Variants in TPTE2 observed in about 807,000 individuals in gnomAD.
TPTE2 encodes transmembrane phosphoinositide 3-phosphatase and tensin homolog 2.
TPTE2 carries 53 observed loss-of-function variants against 78.6 expected under a neutral mutation model. The observed-to-expected ratio is 0.67, with a 90% confidence interval of 0.54 to 0.85. The LOEUF (loss-of-function observed/expected upper bound fraction) is 0.85. Ranked by LOEUF, TPTE2 falls within the 40% of genes least tolerant of loss-of-function variation. TPTE2 has a pLI of 0.00. For missense variants in TPTE2, 461 were observed against 623.0 expected (o/e 0.74, Z 2.77); for synonymous variants, 175 against 206.2 (o/e 0.85, Z 1.30).
chr13:19,436,970 TC>T, intron 14 of TPTE2, among the ~76,000 whole-genome samples: 2 of 151,990 alleles, frequency 1.3e-5, no homozygotes, highest in Middle Eastern at 3.4e-3. Context: ...GGGCTCTGGA[TC>T]AATGGCTGTC....
intron 17 of TPTE2, among the ~76,000 whole-genome samples, chr13:19,427,681 C>T (rs533699055): frequency 1.3e-5 from 2 of 152,290 alleles, no homozygotes; most frequent in African/African-American, 4.8e-5. Flanking sequence ...TCCCCCTGCT[C>T]ATCATGTTTT....
chr13:19,503,258 A>G (rs1868742922), exon 1 of TPTE2: 2 of 1,613,786 alleles, frequency 1.2e-6, no homozygotes, highest in Non-Finnish European at 1.7e-6. Flanking sequence ...TTCACTCCTG[A>G]TAATTCATTT....
intron 1 of TPTE2, among the ~76,000 whole-genome samples, chr13:19,512,627 G>A (rs139837007): frequency 0.025 from 3,741 of 150,748 alleles, 65 homozygotes; most frequent in Middle Eastern, 0.052. Flanking sequence ...TGTCCAGGCT[G>A]CAGTGCAGTG....
At chr13:19,480,419 A>G (rs891989698) in intron 4 of TPTE2, among the ~76,000 whole-genome samples, 1 of 152,250 alleles carries the variant, frequency 6.6e-6, no homozygotes, top group African/African-American at 2.4e-5. Context: ...ATTTAAATGA[A>G]GAAAATAAAT....
chr13:19,541,984 A>G, the TPTE2 span, among the ~76,000 whole-genome samples: 2 of 152,176 alleles, frequency 1.3e-5, no homozygotes, highest in Non-Finnish European at 2.9e-5. Flanking sequence ...AGATTTTAAA[A>G]TACCAATCAA....
At chr13:19,560,546 G>A in the TPTE2 span, 7 of 1,594,056 alleles carry the variant, frequency 4.4e-6, no homozygotes, top group Admixed American at 1.7e-5. Flanking sequence ...GAGAAGCCTG[G>A]GATGCTCTTG....
exon 9 of TPTE2, chr13:19,465,293 G>A (rs748366957): frequency 6.2e-7 from 1 of 1,613,838 alleles, no homozygotes; most frequent in Admixed American, 1.7e-5. Flanking sequence ...TCCATCCCTT[G>A]TGTATCGCCT....
chr13:19,495,521 G>C (rs1208747477), intron 1 of TPTE2, among the ~76,000 whole-genome samples: 1 of 152,136 alleles, frequency 6.6e-6, no homozygotes, highest in African/African-American at 2.4e-5. Flanking sequence ...AAAAACAAAA[G>C]AACATTGCAT....
chr13:19,538,282 GC>G (rs1871321954), upstream of TPTE2, among the ~76,000 whole-genome samples: 6 of 151,970 alleles, frequency 3.9e-5, no homozygotes, highest in African/African-American at 1.4e-4. Context: ...GTGCAGTGGC[GC>G]CAGCTCGGCT....
intron 1 of TPTE2, among the ~76,000 whole-genome samples, chr13:19,496,469 T>C (rs1401459461): frequency 6.6e-6 from 1 of 152,194 alleles, no homozygotes; most frequent in Non-Finnish European, 1.5e-5. Context: ...ATCACGTCTT[T>C]CCTTTCACCC....
At chr13:19,426,313 T>C (rs747175136) in intron 18 of TPTE2, 112 bp downstream of exon 21, 8 of 772,950 alleles carry the variant, frequency 1.0e-5, no homozygotes, top group Non-Finnish European at 1.9e-5. Flanking sequence ...ATCTGATTTA[T>C]TGTTTTCCTC....
chr13:19,542,835 A>G, the TPTE2 span, among the ~76,000 whole-genome samples: 1 of 152,050 alleles, frequency 6.6e-6, no homozygotes, highest in African/African-American at 2.4e-5. Context: ...CTCTACAAAT[A>G]AAAACATTAG....
chr13:19,556,880 T>C, the TPTE2 span, among the ~76,000 whole-genome samples: 1 of 150,994 alleles, frequency 6.6e-6, no homozygotes, highest in Non-Finnish European at 1.5e-5. Context: ...CCATTTGTAT[T>C]GAGTTTCTTC....
chr13:19,520,505 C>A (rs1870084067), intron 1 of TPTE2, among the ~76,000 whole-genome samples: 3 of 150,742 alleles, frequency 2.0e-5, no homozygotes, highest in Admixed American at 2.0e-4. Flanking sequence ...TCTTTTTTTT[C>A]TTGATCAGGC....
chr13:19,525,185 C>T (rs192647664), intron 1 of TPTE2, among the ~76,000 whole-genome samples: 6 of 152,206 alleles, frequency 3.9e-5, no homozygotes, highest in Admixed American at 3.9e-4. Flanking sequence ...ATTTGAGAAA[C>T]AGCAGAAAAA....
rs112360622 is a variant in TPTE2 at position 19,462,820 on chromosome 13, C to G, written c.741+1636G>C. ...TCAGCCTCCCAAAGTGCTGGGATTA[C>G]AGGTGTGAGCCACTGCACCTGACGA... On this transcript the variant is annotated intron_variant, in intron 10 of 19. Transcript: ENST00000400230. 1.2e-3 allele frequency among the ~76,000 whole-genome samples: 186 copies of G among 152,050 alleles called. 4 individuals are homozygous for G. Among genetic ancestry groups the G allele is most frequent in the African/African-American group, 4.3e-3 (179 of 41,490 alleles).
chr13:19,557,754 C>G, the TPTE2 span, among the ~76,000 whole-genome samples: 1 of 152,052 alleles, frequency 6.6e-6, no homozygotes, highest in Non-Finnish European at 1.5e-5. Flanking sequence ...AACTATTATA[C>G]CATCAGAACA....
At chr13:19,546,860 A>C in the TPTE2 span, among the ~76,000 whole-genome samples, 2 of 152,052 alleles carry the variant, frequency 1.3e-5, no homozygotes, top group Non-Finnish European at 2.9e-5. Context: ...GTAAGATAAT[A>C]GTTAAGGAAT....
the TPTE2 span, among the ~76,000 whole-genome samples, chr13:19,543,140 C>T: frequency 6.6e-6 from 1 of 151,894 alleles, no homozygotes; most frequent in Non-Finnish European, 1.5e-5. Flanking sequence ...TCACTGCAAC[C>T]TCCATCTTCT....
Sources: allele counts gnomAD v4.1 joint callset (sites outside exome capture counted in the v4.1 genomes callset), GRCh38; gene constraint gnomAD v4.1.1; transcripts MANE v1.5; gene names NCBI Gene and HGNC (gene_info 2026-07-23, HGNC 2026-07-21).